EVA1A: variants seen among roughly 807,000 people sequenced by gnomAD.
EVA1A encodes the protein protein eva-1 homolog A.
Under a neutral mutation model 9.8 loss-of-function variants are expected in EVA1A, and 7 were observed. The ratio of observed to expected loss-of-function variants is 0.71; its 90% CI spans 0.41 to 1.34. The LOEUF (loss-of-function observed/expected upper bound fraction) is 1.34, where lower values mean the gene tolerates loss of function less well. Ranked by LOEUF, EVA1A falls within the 40% of genes most tolerant of loss-of-function variation. The pLI is 0.01. For synonymous variants in EVA1A, 90 were observed against 85.6 expected, an observed-to-expected ratio of 1.05 and a Z score of -0.28; for missense variants, 206 against 205.9, an observed-to-expected ratio of 1.00 and a Z score of 0.00.
chr2:75,531,838 A>G, intron 1 of EVA1A, among the ~76,000 whole-genome samples: 1 of 152,174 alleles, frequency 6.6e-6, no homozygotes, highest in East Asian at 1.9e-4. Flanking sequence ...ACTTGCACCA[A>G]AATCTCAGAA....
rs540835462 is a variant in EVA1A at position 75,522,185 on chromosome 2, A to G, written c.-69+180T>C. 1.7e-4 allele frequency among the ~76,000 whole-genome samples: 26 copies of G among 152,358 alleles called. 1 individual carries two copies. In the South Asian group the frequency reaches 4.8e-3, roughly 28 times the overall value. On this transcript the variant is annotated intron_variant, in intron 2 of 3. Coordinates refer to ENST00000393913, the MANE Select transcript of EVA1A (RefSeq NM_001135032.2). The stretch of plus-strand genomic sequence containing the variant: ...AAAATTCATGATTTAAGCAAAGGAA[A>G]GACCTATTGCAGTGAAGCCCCCTAT...
intron 1 of EVA1A, among the ~76,000 whole-genome samples, chr2:75,545,070 A>T (rs1432584755): frequency 6.6e-6 from 1 of 152,236 alleles, no homozygotes; most frequent in African/African-American, 2.4e-5. Context: ...ATATATAACA[A>T]AATGTTGGTT....
intron 3 of EVA1A, among the ~76,000 whole-genome samples, chr2:75,500,997 C>T (rs1286760193): frequency 6.6e-6 from 1 of 151,380 alleles, no homozygotes; most frequent in Admixed American, 6.6e-5. Flanking sequence ...TAAGATCTGA[C>T]TCCTATTATT....
chr2:75,566,176 A>C (rs762807065), intron 1 of EVA1A, among the ~76,000 whole-genome samples: 38 of 152,238 alleles, frequency 2.5e-4, no homozygotes, highest in Non-Finnish European at 3.4e-4. Flanking sequence ...AACATCGCCT[A>C]GACACCAAAG....
chr2:75,519,159 G>A (rs769480105), intron 2 of EVA1A, among the ~76,000 whole-genome samples: 3 of 152,222 alleles, frequency 2.0e-5, no homozygotes, highest in Non-Finnish European at 4.4e-5. Flanking sequence ...AGGCTTTACA[G>A]AGAGCTCCTG....
chr2:75,548,222 T>G (rs1296079815), intron 1 of EVA1A, among the ~76,000 whole-genome samples: 1 of 152,258 alleles, frequency 6.6e-6, no homozygotes, highest in Non-Finnish European at 1.5e-5. Context: ...CAGCTCCACT[T>G]CCTGTGCTCA....
intron 1 of EVA1A, among the ~76,000 whole-genome samples, chr2:75,544,512 T>A (rs1410793550): frequency 1.3e-5 from 2 of 152,200 alleles, no homozygotes; most frequent in Non-Finnish European, 2.9e-5. Flanking sequence ...ATAGCGTCCA[T>A]GATGAAACTG....
In EVA1A at chr2:75,492,425, A is replaced by C. The variant is rs888703281; in HGVS notation, c.*811T>G. The stretch of plus-strand genomic sequence containing the variant: ...TGAAATCCAATTAAAAAAAAAAAAA[A>C]AAACAAAGTGTTTAAAATCACAATT... On this transcript the variant is annotated 3_prime_UTR_variant, in exon 4 of 4. Transcript: ENST00000393913. The C allele has an allele frequency of 2.0e-5, 3 of 151,998 alleles. No individual in the cohort carries two copies. The highest frequency in any genetic ancestry group is 4.4e-5 in the Non-Finnish European group (3 of 67,950). 9.4% of individuals were successfully genotyped at this position (151,998 alleles called of 1,614,324 possible). A position where few individuals can be genotyped will look rare whatever the true frequency, so the allele number is the denominator to read the frequency against.
chr2:75,567,970 G>T (rs996476574), intron 1 of EVA1A, among the ~76,000 whole-genome samples: 2 of 152,176 alleles, frequency 1.3e-5, no homozygotes, highest in East Asian at 1.9e-4. Flanking sequence ...AAATTAGCAG[G>T]TTTGATTAAT....
intron 1 of EVA1A, among the ~76,000 whole-genome samples, chr2:75,532,558 T>C (rs565553181): frequency 2.0e-4 from 30 of 152,188 alleles, no homozygotes; most frequent in Non-Finnish European, 4.0e-4. Flanking sequence ...GACAGAATGA[T>C]AGAAATTACT....
At chr2:75,527,814 A>G (rs1406491874) in intron 1 of EVA1A, among the ~76,000 whole-genome samples, 2 of 152,222 alleles carry the variant, frequency 1.3e-5, no homozygotes, top group African/African-American at 4.8e-5. Context: ...ATTTTGCTCC[A>G]AGAACCACCA....
rs906735932 is a variant in EVA1A, at chr2:75,508,216, A to G, written c.85+9840T>C. Among the ~76,000 whole-genome samples the G allele has an allele frequency of 3.3e-5, 5 of 152,214 alleles. 1 individual carries two copies. Among genetic ancestry groups the G allele is most frequent in the Admixed American group, 3.3e-4 (5 of 15,282 alleles). On this transcript the variant is annotated intron_variant, in intron 3 of 3. Transcript: ENST00000393913. Reference sequence around the variant, plus strand: ...TATGAAATCTGGGCACCTTGAAAAAAGAACAGGATAACAGCAATTGTTCAG... The same window carrying G: ...TATGAAATCTGGGCACCTTGAAAAAGGAACAGGATAACAGCAATTGTTCAG...
At chr2:75,555,339 C>CA (rs1676673877) in intron 1 of EVA1A, among the ~76,000 whole-genome samples, 3 of 137,264 alleles carry the variant, frequency 2.2e-5, no homozygotes, top group African/African-American at 7.7e-5. Context: ...CTCTCTCTCC[C>CA]CCATCTCCCC....
chr2:75,542,932 T>G (rs907907073), intron 1 of EVA1A, among the ~76,000 whole-genome samples: 1 of 152,106 alleles, frequency 6.6e-6, no homozygotes, highest in Non-Finnish European at 1.5e-5. Context: ...TGAAGCTAGA[T>G]GAGGCAATCC....
upstream of EVA1A, among the ~76,000 whole-genome samples, chr2:75,565,536 G>A (rs1352447703): frequency 6.6e-6 from 1 of 152,108 alleles, no homozygotes; most frequent in Non-Finnish European, 1.5e-5. Context: ...GTAGGATGTG[G>A]GGATTTTCCT....
intron 2 of EVA1A, among the ~76,000 whole-genome samples, chr2:75,521,837 T>TTTAAAAA (rs1675241566): frequency 6.6e-6 from 1 of 152,208 alleles, no homozygotes; most frequent in Non-Finnish European, 1.5e-5. Context: ...GTTATATGTA[T>TTTAAAAA]TTTACCACAA....
chr2:75,521,064 T>C (rs952467146), intron 2 of EVA1A, among the ~76,000 whole-genome samples: 1 of 152,162 alleles, frequency 6.6e-6, no homozygotes, highest in Non-Finnish European at 1.5e-5. Flanking sequence ...TGAAGCAATA[T>C]TTCTCCAAAG....
chr2:75,518,303 C>T (rs1037413438), intron 2 of EVA1A, 95 bp from the exon 3 acceptor site: 7 of 1,318,238 alleles, frequency 5.3e-6, no homozygotes, highest in East Asian at 2.6e-5. Flanking sequence ...ATTTTTGCAA[C>T]AGCTGATTTG....
intron 1 of EVA1A, among the ~76,000 whole-genome samples, chr2:75,530,853 T>C (rs796504637): frequency 3.9e-5 from 6 of 152,170 alleles, no homozygotes; most frequent in African/African-American, 1.4e-4. Flanking sequence ...AAGACAAAAA[T>C]GCCCACTTTC....
Sources: allele counts gnomAD v4.1 joint callset (sites outside exome capture counted in the v4.1 genomes callset), GRCh38; gene constraint gnomAD v4.1.1; transcripts MANE v1.5; gene names NCBI Gene and HGNC (gene_info 2026-07-23, HGNC 2026-07-21).